The following GTF3C1 variants were observed in gnomAD, a reference collection of about 807,000 sequenced individuals.
The protein encoded by GTF3C1 is general transcription factor IIIC subunit 1.
Under a neutral mutation model 226.7 loss-of-function variants are expected in GTF3C1, and 57 were observed. That is an observed-to-expected ratio of 0.25 (90% CI 0.20 to 0.31). The LOEUF (loss-of-function observed/expected upper bound fraction) is 0.31. Ranked by LOEUF, GTF3C1 falls within the 10% of genes least tolerant of loss-of-function variation. GTF3C1 has a pLI of 1.00. For missense variants in GTF3C1, 2,217 were observed against 2,776.1 expected (o/e 0.80, Z 4.53); for synonymous variants, 1,090 against 1,084.8 (o/e 1.00, Z -0.09).
In GTF3C1 at chr16:27,511,783, G is replaced by T. The variant is rs142782053; in HGVS notation, c.1092C>A (p.Phe364Leu). The T allele has an allele frequency of 6.2e-7, 1 of 1,614,134 alleles. No individual in the cohort carries two copies. The highest frequency in any genetic ancestry group is 1.1e-5 in the South Asian group (1 of 91,068). The part of the protein sequence containing the change: ...SKTVPPVDIV[F>L]ERDMLTQTYD... ...AGGTCTGTGTGAGCATATCCCGCTCGAACACAATGTCCACTGGAGGCACTG... is the reference window on the plus strand; with the variant it reads ...AGGTCTGTGTGAGCATATCCCGCTCTAACACAATGTCCACTGGAGGCACTG... The change falls in exon 7 of 37, where the codon TTC (phenylalanine) becomes TTA (leucine). Residue 364 changes from phenylalanine to leucine, a missense_variant. Coordinates refer to ENST00000356183, the MANE Select transcript of GTF3C1 (RefSeq NM_001520.4).
chr16:27,543,458 A>G (rs747379828), intron 2 of GTF3C1, among the ~76,000 whole-genome samples: 1 of 152,196 alleles, frequency 6.6e-6, no homozygotes, highest in Non-Finnish European at 1.5e-5. Flanking sequence ...TGGTGCAATC[A>G]TAACTCACTG....
In GTF3C1 at chr16:27,461,814, G is replaced by A; in HGVS notation, c.6118-252C>T. ...GCCACCACGCTGAATCTCATTTGTG[G>A]AGGAGAGGCCTGCAGCGCGGGATAA... On this transcript the variant is annotated intron_variant, in intron 36 of 36. Transcript: ENST00000356183. The surrounding 1 kb of genome is among the most constrained non-coding windows in gnomAD (Gnocchi z 5.3). 1.9e-6 allele frequency: 1 copy of A among 531,104 alleles called. No homozygotes were observed. Among genetic ancestry groups the A allele is most frequent in the East Asian group, 3.0e-5 (1 of 33,142 alleles). 32.9% of individuals were successfully genotyped at this position (531,104 alleles called of 1,614,324 possible). A position where few individuals can be genotyped will look rare whatever the true frequency, so the allele number is the denominator to read the frequency against.
At chr16:27,490,845 T>C (rs1280507419) in intron 19 of GTF3C1, among the ~76,000 whole-genome samples, 11 of 152,176 alleles carry the variant, frequency 7.2e-5, no homozygotes, top group Non-Finnish European at 2.9e-5. Context: ...GTAGAACCTC[T>C]TCAAATGTTT....
intron 6 of GTF3C1, among the ~76,000 whole-genome samples, chr16:27,515,545 T>C (rs879441603): frequency 5.3e-5 from 8 of 151,820 alleles, no homozygotes; most frequent in Non-Finnish European, 7.4e-5. Context: ...GTGGAGCAAC[T>C]GACATCCATT....
chr16:27,470,513 C>T lies in GTF3C1; in HGVS notation c.4527-118G>A. Reference sequence around the variant, plus strand: ...GAGAACTAAGCAAAACGCCCCACTTCTTCCCTAAAGCTCTCTGTCCCATCC... The same window carrying T: ...GAGAACTAAGCAAAACGCCCCACTTTTTCCCTAAAGCTCTCTGTCCCATCC... On this transcript the variant is annotated intron_variant, in intron 30 of 36. Coordinates refer to ENST00000356183, the MANE Select transcript of GTF3C1 (RefSeq NM_001520.4). This position sits in a 1 kb window ranked among gnomAD's most constrained non-coding sequence, Gnocchi z 4.9. The T allele has an allele frequency of 1.3e-6, 1 of 776,150 alleles. No individual in the cohort carries two copies. The highest frequency in any genetic ancestry group is 2.1e-6 in the Non-Finnish European group (1 of 468,662). The allele number at this position is 776,150 out of a possible 1,614,324, so 48.1% of individuals were successfully genotyped here.
intron 17 of GTF3C1, 60 bp downstream of exon 17, chr16:27,493,139 C>A (rs2088257937): frequency 2.3e-6 from 2 of 875,612 alleles, no homozygotes; most frequent in African/African-American, 1.6e-5. Context: ...TGGCTTAGAG[C>A]CCTGACTTAA....
intron 5 of GTF3C1, among the ~76,000 whole-genome samples, chr16:27,529,332 A>G (rs1296789779): frequency 6.6e-6 from 1 of 151,832 alleles, no homozygotes; most frequent in Non-Finnish European, 1.5e-5. Flanking sequence ...AATCCTAGCT[A>G]CTCAGGAGGT....
Position 27,465,505 on chromosome 16 carries a change from A to G in GTF3C1, c.5110T>C (p.Cys1704Arg), listed in dbSNP as rs780871183. ...AGCTTGGTGAACGTATCAGGGAGGC[A>G]GGAGGTTCCCATTGTTAGCTCTTCC... ...PLEELTMGTS[C>R]LPDTFTKLIN... is the part of the protein sequence containing the mutation. The change falls in exon 33 of 37, where the codon TGC (cysteine) becomes CGC (arginine). Residue 1704 changes from cysteine to arginine, a missense_variant. Transcript: ENST00000356183. 1 of 1,602,558 alleles carries G rather than the reference A, an allele frequency of 6.2e-7. No homozygotes were observed. The highest frequency in any genetic ancestry group is 8.5e-7 in the Non-Finnish European group (1 of 1,179,652).
At position 27,462,677 on chromosome 16, in the gene GTF3C1, C is replaced by G; in HGVS notation, c.5925-191G>C. On this transcript the variant is annotated intron_variant, in intron 35 of 36. Coordinates refer to ENST00000356183, the MANE Select transcript of GTF3C1 (RefSeq NM_001520.4). The surrounding 1 kb of genome is among the most constrained non-coding windows in gnomAD (Gnocchi z 4.5). ...GGACAGAGGGGCCCTTGACCGCCAG[C>G]TGGGTGGAACCAGGACGTGGTGTCC... The G allele has an allele frequency of 1.7e-6, 1 of 576,112 alleles. No individual in the cohort carries two copies. The highest frequency in any genetic ancestry group is 3.1e-6 in the Non-Finnish European group (1 of 321,858). The allele number at this position is 576,112 out of a possible 1,614,324, so 35.7% of individuals were successfully genotyped here.
At chr16:27,543,504 T>C (rs374936485) in intron 2 of GTF3C1, among the ~76,000 whole-genome samples, 5 of 152,312 alleles carry the variant, frequency 3.3e-5, no homozygotes, top group South Asian at 2.1e-4. Flanking sequence ...AATCCCCCCA[T>C]CGCAGTCTCC....
intron 24 of GTF3C1, 118 bp from the exon 25 acceptor site, chr16:27,484,471 CCCA>C (rs2088104477): frequency 1.5e-6 from 1 of 670,306 alleles, no homozygotes; most frequent in South Asian, 1.8e-5. Context: ...TCAGAGAATC[CCCA>C]CAACTGTCAC....
intron 32 of GTF3C1, chr16:27,465,805 G>A (rs1010219730): frequency 7.9e-6 from 4 of 506,600 alleles, no homozygotes; most frequent in Admixed American, 6.4e-5. Context: ...TGCTCAAGAT[G>A]TAAAGTGAAG....
rs1399691779 is a variant in GTF3C1, at chr16:27,462,387, G to A, written c.6024C>T (p.Tyr2008=). The change falls in exon 36 of 37, where the codon TAC becomes TAT. Residue 2008 remains tyrosine (Y), a synonymous_variant. Coordinates refer to ENST00000356183, the MANE Select transcript of GTF3C1 (RefSeq NM_001520.4). The surrounding 1 kb of genome is among the most constrained non-coding windows in gnomAD (Gnocchi z 4.5). ...GGATGCCAGGCCTGGTCATGATGTG[G>A]TACAGCATGGCCTCCATCATACCCT... ...VCKGMMEAML[Y]HIMTRPGIPE... 2.5e-6 allele frequency: 4 copies of A among 1,605,134 alleles called. No individual in the cohort carries two copies. The highest frequency in any genetic ancestry group is 2.2e-5 in the East Asian group (1 of 44,504).
chr16:27,520,003 A>G (rs1391957687), intron 6 of GTF3C1, among the ~76,000 whole-genome samples: 1 of 152,156 alleles, frequency 6.6e-6, no homozygotes, highest in Non-Finnish European at 1.5e-5. Context: ...TAGTCCCACT[A>G]CTTGGGAGGG....
intron 26 of GTF3C1, among the ~76,000 whole-genome samples, 163 bp from the exon 27 acceptor site, chr16:27,481,354 T>C (rs547055133): frequency 4.6e-5 from 7 of 152,118 alleles, no homozygotes; most frequent in African/African-American, 1.4e-4. Context: ...TCACCTGTCA[T>C]CTGAGAAGCT....
At chr16:27,525,649 C>T (rs1267264269) in intron 6 of GTF3C1, among the ~76,000 whole-genome samples, 2 of 152,206 alleles carry the variant, frequency 1.3e-5, no homozygotes, top group Non-Finnish European at 2.9e-5. Context: ...ACAAATACGC[C>T]TGCCTACCTT....
At chr16:27,548,420 C>A (rs1240646368) in intron 1 of GTF3C1, among the ~76,000 whole-genome samples, 4 of 152,172 alleles carry the variant, frequency 2.6e-5, no homozygotes, top group Non-Finnish European at 5.9e-5. Context: ...GCATGCGCCA[C>A]CACGCCAGGC....
chr16:27,542,652 T>G (rs945858917), intron 2 of GTF3C1, among the ~76,000 whole-genome samples: 4 of 151,978 alleles, frequency 2.6e-5, no homozygotes, highest in African/African-American at 9.7e-5. Flanking sequence ...GGGGGATGGA[T>G]CCCTCATAAA....
chr16:27,474,338 G>A (rs182891415), intron 29 of GTF3C1, among the ~76,000 whole-genome samples: 43 of 152,332 alleles, frequency 2.8e-4, no homozygotes, highest in African/African-American at 8.9e-4. Context: ...GATGGAACTG[G>A]AACTGGAGGA....
Sources: allele counts gnomAD v4.1 joint callset (sites outside exome capture counted in the v4.1 genomes callset), GRCh38; gene constraint gnomAD v4.1.1; non-coding constraint Gnocchi (gnomAD v3.1); transcripts MANE v1.5; gene names NCBI Gene and HGNC (gene_info 2026-07-23, HGNC 2026-07-21).